The following CADM1 variants were observed in gnomAD, a reference collection of about 807,000 sequenced individuals.
The protein encoded by CADM1 is TSLC-1.
In CADM1, 15 loss-of-function variants were observed where a neutral mutation model predicts 53.1. The ratio of observed to expected loss-of-function variants is 0.28; its 90% CI spans 0.19 to 0.44. The LOEUF is 0.44. Ranked by LOEUF, CADM1 falls within the 20% of genes least tolerant of loss-of-function variation. The probability of loss-of-function intolerance (pLI) is 1.00; values close to 1 mark genes in which losing one functional copy is unlikely to be tolerated. For synonymous variants in CADM1, 281 were observed against 243.0 expected, an observed-to-expected ratio of 1.16 and a Z score of -1.45; for missense variants, 434 against 611.3, an observed-to-expected ratio of 0.71 and a Z score of 3.06.
At chr11:115,341,330 G>A (rs1260633105) in intron 1 of CADM1, among the ~76,000 whole-genome samples, 3 of 152,018 alleles carry the variant, frequency 2.0e-5, no homozygotes, top group Admixed American at 6.6e-5. Flanking sequence ...CTACAATGAA[G>A]CAAAAATAAA....
At chr11:115,501,150 C>T (rs1242329319) in intron 1 of CADM1, among the ~76,000 whole-genome samples, 1 of 152,166 alleles carries the variant, frequency 6.6e-6, no homozygotes, top group East Asian at 1.9e-4. Flanking sequence ...GCAAGCTTGT[C>T]TCGTCACACA....
At chr11:115,469,237 ACTC>A (rs1948957738) in intron 1 of CADM1, among the ~76,000 whole-genome samples, 1 of 152,136 alleles carries the variant, frequency 6.6e-6, no homozygotes, top group Non-Finnish European at 1.5e-5. Flanking sequence ...CACTTCAGCC[ACTC>A]CTCTATAAAA....
intron 1 of CADM1, among the ~76,000 whole-genome samples, chr11:115,409,208 C>A (rs1022409185): frequency 6.6e-6 from 1 of 152,106 alleles, no homozygotes; most frequent in Non-Finnish European, 1.5e-5. Context: ...TATAATAAAG[C>A]ACAACTCCAA....
intron 1 of CADM1, among the ~76,000 whole-genome samples, chr11:115,339,702 G>GA (rs1945373201): frequency 6.6e-6 from 1 of 151,866 alleles, no homozygotes; most frequent in Admixed American, 6.6e-5. Context: ...TATAGAAAAT[G>GA]AAAAAAAGAA....
Position 115,248,279 on chromosome 11 carries a change from T to C in CADM1, c.125-7859A>G, listed in dbSNP as rs141083968. ...AGACTGTGACAAAAGAAAATAGTTA[T>C]AGCATCCCTGCCTGTACTATTACAA... is the stretch of plus-strand genomic sequence containing the variant. On this transcript the variant is annotated intron_variant, in intron 1 of 11. Coordinates refer to ENST00000331581, the MANE Select transcript of CADM1 (RefSeq NM_001301043.2). Among the ~76,000 whole-genome samples, 390 of 152,344 alleles carry C rather than the reference T, an allele frequency of 2.6e-3. 2 individuals carry two copies. The highest frequency in any genetic ancestry group is 8.8e-3 in the African/African-American group (368 of 41,590).
intron 1 of CADM1, among the ~76,000 whole-genome samples, chr11:115,372,175 A>G (rs1316669838): frequency 6.6e-6 from 1 of 152,202 alleles, no homozygotes; most frequent in African/African-American, 2.4e-5. Context: ...TCTGTACTCC[A>G]TGCAAATTCA....
At chr11:115,402,050 G>A (rs1275940663) in intron 1 of CADM1, among the ~76,000 whole-genome samples, 28 of 151,910 alleles carry the variant, frequency 1.8e-4, no homozygotes, top group Admixed American at 1.8e-3. Context: ...TAAAGTTAGA[G>A]AAAAGGCAGA....
rs980877276 is a variant in CADM1, at chr11:115,293,053, C to T, written c.125-52633G>A. 6.6e-5 allele frequency among the ~76,000 whole-genome samples: 10 copies of T among 152,110 alleles called. No homozygotes were observed. In the East Asian group the frequency reaches 1.9e-3, roughly 29 times the overall value. ...TTACCAAATGCTGCAGCACAATTAG[C>T]CATCATTTAAACTACTGTGAAGAAA... On this transcript the variant is annotated intron_variant, in intron 1 of 11. Transcript: ENST00000331581.
chr11:115,429,297 C>A (rs531741648), intron 1 of CADM1, among the ~76,000 whole-genome samples: 10 of 152,124 alleles, frequency 6.6e-5, no homozygotes, highest in African/African-American at 2.4e-4. Flanking sequence ...AGTCTATATG[C>A]AACATATATT....
intron 1 of CADM1, among the ~76,000 whole-genome samples, chr11:115,472,456 G>T (rs314500): frequency 0.065 from 9,860 of 152,178 alleles, 406 homozygotes; most frequent in African/African-American, 0.11. Context: ...TATAGGGGGG[G>T]GTGTGTGTGT....
rs146448806 is a variant in CADM1 at position 115,473,334 on chromosome 11, A to T, written c.124+30937T>A. On this transcript the variant is annotated intron_variant, in intron 1 of 11. Transcript: ENST00000331581. ...ATTCGCCAGGCGTGGTGGCACACAC[A>T]TGTAGTCCCAGCTACTCGGGAGGCA... Among the ~76,000 whole-genome samples, 493 of 152,200 alleles carry T rather than the reference A, an allele frequency of 3.2e-3. 4 individuals carry two copies. The highest frequency in any genetic ancestry group is 0.011 in the African/African-American group (449 of 41,522).
rs1941782619 is a variant in CADM1, at chr11:115,230,671, A to G, written c.562+682T>C. On this transcript the variant is annotated intron_variant, in intron 4 of 11. Transcript: ENST00000331581. ...CCCGGGATGGCCCAGTACAGAGGTA[A>G]AGATGATCAGAATGGGGCTGAAGGA... Among the ~76,000 whole-genome samples, 2 of 152,240 alleles carry G rather than the reference A, an allele frequency of 1.3e-5. 1 individual carries two copies. Among genetic ancestry groups the G allele is most frequent in the South Asian group, 4.1e-4 (2 of 4,830 alleles).
intron 1 of CADM1, among the ~76,000 whole-genome samples, chr11:115,248,715 C>G (rs1942492350): frequency 1.3e-5 from 2 of 152,022 alleles, no homozygotes; most frequent in Non-Finnish European, 2.9e-5. Flanking sequence ...AAGATAGCAT[C>G]TTTTTTAGAG....
chr11:115,378,296 C>T (rs1254428839), intron 1 of CADM1, among the ~76,000 whole-genome samples: 4 of 152,086 alleles, frequency 2.6e-5, no homozygotes, highest in African/African-American at 9.7e-5. Context: ...GTCAATTCCG[C>T]CACCTTGTCT....
At chr11:115,370,955 T>C (rs546245805) in intron 1 of CADM1, among the ~76,000 whole-genome samples, 1 of 152,290 alleles carries the variant, frequency 6.6e-6, no homozygotes, top group East Asian at 1.9e-4. Context: ...GGACAAGATT[T>C]ACTGTCCTGC....
chr11:115,238,750 T>G, intron 2 of CADM1, 98 bp from the exon 3 acceptor site: 1 of 1,299,864 alleles, frequency 7.7e-7, no homozygotes, highest in South Asian at 1.2e-5. Flanking sequence ...TGATACTTCT[T>G]GACTTACTAT....
chr11:115,316,149 T>A (rs893973445), intron 1 of CADM1, among the ~76,000 whole-genome samples: 2 of 152,328 alleles, frequency 1.3e-5, no homozygotes, highest in African/African-American at 2.4e-5. Context: ...ACACATTTTT[T>A]AAAATGCTCA....
chr11:115,238,472 C>T (rs1942089266), intron 3 of CADM1, 28 bp downstream of exon 3: 1 of 1,612,656 alleles, frequency 6.2e-7, no homozygotes, highest in African/African-American at 1.3e-5. Flanking sequence ...TTCCATTTCC[C>T]CGGGTAAGCC....
At chr11:115,359,032 A>G (rs2135087513) in intron 1 of CADM1, among the ~76,000 whole-genome samples, 1 of 152,344 alleles carries the variant, frequency 6.6e-6, no homozygotes. Context: ...ACCCTCAAAG[A>G]AGACTCTCAG....
Sources: gnomAD v4.1 joint callset for allele counts (sites outside exome capture counted in the v4.1 genomes callset) on GRCh38, gnomAD v4.1.1 for gene constraint, MANE v1.5 for transcripts, NCBI Gene and HGNC (gene_info 2026-07-23, HGNC 2026-07-21) for gene names.